Variants in SCHIP1 observed in about 807,000 individuals in gnomAD.
SCHIP1 encodes schwannomin-interacting protein 1.
A neutral mutation model predicts 29.7 loss-of-function variants in SCHIP1; 8 were observed. That is an observed-to-expected ratio of 0.27 (90% CI 0.16 to 0.49). The LOEUF (loss-of-function observed/expected upper bound fraction) is 0.49. Ranked by LOEUF, SCHIP1 falls within the 20% of genes least tolerant of loss-of-function variation. SCHIP1 has a pLI of 0.99. For synonymous variants in SCHIP1, 76 were observed against 94.9 expected (o/e 0.80, Z 1.16); for missense variants, 193 against 294.6 (o/e 0.66, Z 2.52).
chr3:159,419,292 G>A, the SCHIP1 span, among the ~76,000 whole-genome samples: 1 of 152,102 alleles, frequency 6.6e-6, no homozygotes, highest in African/African-American at 2.4e-5. Context: ...GAGGACTAGA[G>A]GTGCTGTGTG....
At chr3:159,478,287 T>A in the SCHIP1 span, among the ~76,000 whole-genome samples, 1 of 152,168 alleles carries the variant, frequency 6.6e-6, no homozygotes, top group African/African-American at 2.4e-5. Flanking sequence ...CACTCTTATT[T>A]TTCTGCACAT....
At chr3:159,611,350 TA>T in the SCHIP1 span, among the ~76,000 whole-genome samples, 28 of 152,084 alleles carry the variant, frequency 1.8e-4, no homozygotes, top group Non-Finnish European at 3.7e-4. Context: ...TATGCAGCCA[TA>T]AAAAAGAATG....
At chr3:159,494,707 C>T in the SCHIP1 span, among the ~76,000 whole-genome samples, 2,932 of 152,230 alleles carry the variant, frequency 0.019, 80 homozygotes, top group African/African-American at 0.061. Flanking sequence ...CCTTCTGAAA[C>T]TATTCCAATC....
chr3:159,600,130 T>G, the SCHIP1 span, among the ~76,000 whole-genome samples: 1 of 152,192 alleles, frequency 6.6e-6, no homozygotes, highest in Non-Finnish European at 1.5e-5. Flanking sequence ...TTTTTCATGT[T>G]GTTTTTAGGA....
chr3:159,392,455 TC>T, the SCHIP1 span, among the ~76,000 whole-genome samples: 1 of 138,050 alleles, frequency 7.2e-6, no homozygotes, highest in Non-Finnish European at 1.5e-5. Context: ...ATGCTATCCC[TC>T]CCCCCTCACC....
At chr3:159,489,699 T>G in the SCHIP1 span, among the ~76,000 whole-genome samples, 3 of 152,098 alleles carry the variant, frequency 2.0e-5, no homozygotes, top group Non-Finnish European at 4.4e-5. Context: ...AACAAAGTGG[T>G]CAAATAAACA....
At chr3:159,780,984 A>C in the SCHIP1 span, among the ~76,000 whole-genome samples, 1 of 152,222 alleles carries the variant, frequency 6.6e-6, no homozygotes, top group South Asian at 2.1e-4. Context: ...CAGGAATCAG[A>C]TCATCATCTC....
chr3:159,338,057 A>G, the SCHIP1 span, among the ~76,000 whole-genome samples: 1 of 152,192 alleles, frequency 6.6e-6, no homozygotes, highest in Admixed American at 6.5e-5. Flanking sequence ...CTTGCATTCA[A>G]CAAATATTTG....
intron 1 of SCHIP1, among the ~76,000 whole-genome samples, chr3:159,863,006 C>T (rs1241280534): frequency 6.6e-6 from 1 of 152,062 alleles, no homozygotes; most frequent in Non-Finnish European, 1.5e-5. Flanking sequence ...GGAACTTATC[C>T]TGAGGAAATA....
At chr3:159,447,436 AG>A in the SCHIP1 span, among the ~76,000 whole-genome samples, 3 of 152,260 alleles carry the variant, frequency 2.0e-5, no homozygotes, top group Non-Finnish European at 2.9e-5. Flanking sequence ...GAGAGTAAAA[AG>A]GTCTTCAAAT....
the SCHIP1 span, among the ~76,000 whole-genome samples, chr3:159,594,523 A>T: frequency 1.3e-5 from 2 of 152,180 alleles, no homozygotes; most frequent in African/African-American, 4.8e-5. Flanking sequence ...AATGTCTAAA[A>T]GCTTGGCTTC....
chr3:159,442,496 C>A, the SCHIP1 span, among the ~76,000 whole-genome samples: 1 of 152,314 alleles, frequency 6.6e-6, no homozygotes, highest in South Asian at 2.1e-4. Context: ...CTGGGAAAGG[C>A]ATCCAGTGGT....
chr3:159,372,279 G>A, the SCHIP1 span, among the ~76,000 whole-genome samples: 1 of 151,978 alleles, frequency 6.6e-6, no homozygotes, highest in Admixed American at 6.6e-5. Flanking sequence ...ATTAGAATTG[G>A]GAAGTGAACA....
At position 159,872,508 on chromosome 3, in the gene SCHIP1, T is replaced by G. The variant is rs9968083; in HGVS notation, c.149+6227T>G. On this transcript the variant is annotated intron_variant, in intron 2 of 6. Transcript: ENST00000445224. ...AAATCACTGAGTCATCTGCCCCCTG[T>G]GGAGACACGGATATCTAAACACAAA... Among the ~76,000 whole-genome samples, 1,121 of 152,288 alleles carry G rather than the reference T, an allele frequency of 7.4e-3. 11 individuals carry two copies. Among genetic ancestry groups the G allele is most frequent in the African/African-American group, 0.026 (1,090 of 41,574 alleles).
chr3:159,309,665 A>G, the SCHIP1 span, among the ~76,000 whole-genome samples: 1 of 152,080 alleles, frequency 6.6e-6, no homozygotes, highest in Non-Finnish European at 1.5e-5. Flanking sequence ...TCTTCCTCTT[A>G]TCAGACTAAA....
chr3:159,377,063 T>C, the SCHIP1 span, among the ~76,000 whole-genome samples: 1 of 152,238 alleles, frequency 6.6e-6, no homozygotes, highest in Non-Finnish European at 1.5e-5. Context: ...ACTTTATTCT[T>C]TCTCAGTTCT....
the SCHIP1 span, among the ~76,000 whole-genome samples, chr3:159,322,861 A>G: frequency 1.1e-4 from 16 of 152,332 alleles, no homozygotes; most frequent in East Asian, 1.5e-3. Context: ...TGTGGTTGTT[A>G]TTGAACAGAT....
chr3:159,423,192 C>T, the SCHIP1 span, among the ~76,000 whole-genome samples: 1 of 152,208 alleles, frequency 6.6e-6, no homozygotes. Flanking sequence ...CTAGGGAGTG[C>T]CAGACAGTGG....
the SCHIP1 span, among the ~76,000 whole-genome samples, chr3:159,783,060 A>G: frequency 2.6e-5 from 4 of 152,232 alleles, no homozygotes; most frequent in South Asian, 2.1e-4. Flanking sequence ...ACCTTCTGCA[A>G]TGTTTTTACC....
Sources: allele counts gnomAD v4.1 joint callset (sites outside exome capture counted in the v4.1 genomes callset), GRCh38; gene constraint gnomAD v4.1.1; transcripts MANE v1.5; gene names NCBI Gene and HGNC (gene_info 2026-07-23, HGNC 2026-07-21).